Variants in LIPC observed in about 807,000 individuals in gnomAD.
LIPC encodes the protein lipase C, hepatic type, also known as hepatic triacylglycerol lipase.
LIPC carries 44 observed loss-of-function variants against 50.7 expected under a neutral mutation model. That is an observed-to-expected ratio of 0.87 (90% CI 0.68 to 1.11). LIPC has a LOEUF of 1.11. Among genes scored for constraint, LIPC ranks in the 50% most tolerant of loss-of-function variants. The pLI is 0.00. For synonymous variants in LIPC, 271 were observed against 256.4 expected, an observed-to-expected ratio of 1.06 and a Z score of -0.54; for missense variants, 697 against 648.2, an observed-to-expected ratio of 1.08 and a Z score of -0.82.
At chr15:58,566,040 G>A (rs1333698152) in intron 8 of LIPC, 8 of 983,672 alleles carry the variant, frequency 8.1e-6, no homozygotes, top group African/African-American at 3.5e-5. Flanking sequence ...AAACTTTCAC[G>A]AGCATACAAA....
chr15:58,511,310 G>C (rs897045526), intron 1 of LIPC, among the ~76,000 whole-genome samples: 2 of 152,120 alleles, frequency 1.3e-5, no homozygotes, highest in African/African-American at 4.8e-5. Flanking sequence ...CCTGGGGAGG[G>C]AGTGTGGTGA....
At chr15:58,442,625 A>C (rs1268802629) in intron 1 of LIPC, among the ~76,000 whole-genome samples, 1 of 152,230 alleles carries the variant, frequency 6.6e-6, no homozygotes, top group Non-Finnish European at 1.5e-5. Context: ...TTCTTTGCCT[A>C]TTTATGTCAA....
chr15:58,520,122 T>G (rs1010331323), intron 1 of LIPC, among the ~76,000 whole-genome samples: 1 of 112,850 alleles, frequency 8.9e-6, no homozygotes, highest in Non-Finnish European at 2.3e-5. Flanking sequence ...GTTTTTTTTT[T>G]GTTTTTTTTT....
At chr15:58,553,693 G>A (rs1893835287) in intron 6 of LIPC, among the ~76,000 whole-genome samples, 1 of 152,166 alleles carries the variant, frequency 6.6e-6, no homozygotes, top group Non-Finnish European at 1.5e-5. Context: ...CCAAAATGTG[G>A]CCACGAAAAT....
chr15:58,513,990 C>G (rs545454070), intron 1 of LIPC, among the ~76,000 whole-genome samples: 1 of 152,272 alleles, frequency 6.6e-6, no homozygotes, highest in African/African-American at 2.4e-5. Flanking sequence ...ATTTCCGTGA[C>G]GAGCTGGTGA....
chr15:58,538,051 A>C (rs1471811041), intron 1 of LIPC, among the ~76,000 whole-genome samples: 1 of 152,116 alleles, frequency 6.6e-6, no homozygotes, highest in African/African-American at 2.4e-5. Flanking sequence ...CCTTGCCTAT[A>C]TTCCTTATGA....
At chr15:58,554,178 A>G (rs1377142680) in intron 6 of LIPC, among the ~76,000 whole-genome samples, 5 of 152,146 alleles carry the variant, frequency 3.3e-5, no homozygotes, top group African/African-American at 9.7e-5. Flanking sequence ...TCTTTTTTAA[A>G]TGGCACCAGC....
chr15:58,546,124 G>C (rs1342026116), intron 5 of LIPC, 149 bp downstream of exon 5: 2 of 754,426 alleles, frequency 2.7e-6, no homozygotes, highest in East Asian at 2.7e-5. Context: ...CACCCAGAGA[G>C]AAGGAATGCT....
chr15:58,532,384 A>G (rs1397850876), intron 1 of LIPC, among the ~76,000 whole-genome samples: 1 of 152,210 alleles, frequency 6.6e-6, no homozygotes, highest in Non-Finnish European at 1.5e-5. Flanking sequence ...TACATTTATT[A>G]CATAGGATTG....
intron 1 of LIPC, chr15:58,523,379 T>G (rs1389264432): frequency 1.2e-5 from 1 of 82,436 alleles, no homozygotes; most frequent in Non-Finnish European, 3.2e-5. Context: ...CAAGGGCCAC[T>G]AGGACCCAAG....
intron 6 of LIPC, among the ~76,000 whole-genome samples, chr15:58,549,838 T>C (rs1566948143): frequency 6.6e-6 from 1 of 152,196 alleles, no homozygotes; most frequent in African/African-American, 2.4e-5. Context: ...CTGGAGGAGA[T>C]GGCAGCACGC....
At chr15:58,545,554 T>C (rs1005883368) in intron 4 of LIPC, among the ~76,000 whole-genome samples, 188 bp from the exon 5 acceptor site, 2 of 152,248 alleles carry the variant, frequency 1.3e-5, no homozygotes, top group African/African-American at 4.8e-5. Context: ...GTGTCATTGT[T>C]AGCACCATGA....
intron 1 of LIPC, among the ~76,000 whole-genome samples, chr15:58,502,063 C>A (rs1292336926): frequency 6.6e-6 from 1 of 152,142 alleles, no homozygotes; most frequent in South Asian, 2.1e-4. Context: ...TGAGGCTGGA[C>A]CTGAAGGTGA....
At chr15:58,490,008 A>G (rs1304994657) in intron 1 of LIPC, among the ~76,000 whole-genome samples, 5 of 152,146 alleles carry the variant, frequency 3.3e-5, no homozygotes, top group Non-Finnish European at 5.9e-5. Context: ...TGGGGAAAAG[A>G]AAAAAACAGT....
In LIPC at chr15:58,565,565, G is replaced by A. The variant is rs1301906119; in HGVS notation, c.1388+1842G>A. The A allele has an allele frequency of 7.7e-6, 9 of 1,176,420 alleles. No homozygotes were observed. In the East Asian group the frequency reaches 3.4e-4, roughly 44 times the overall value. 72.9% of individuals were successfully genotyped at this position (1,176,420 alleles called of 1,614,324 possible). ...TCCTGAAATGGGTAGTATTGGCTGT[G>A]CAGATTAGGAACCTGAGGCTCACAG... On this transcript the variant is annotated intron_variant, in intron 8 of 8. Coordinates refer to ENST00000299022, the MANE Select transcript of LIPC (RefSeq NM_000236.3).
chr15:58,436,353 A>G (rs923331725), intron 1 of LIPC: 4 of 200,302 alleles, frequency 2.0e-5, no homozygotes, highest in Non-Finnish European at 3.1e-5. Flanking sequence ...TAAGCTTCTC[A>G]TATGTGTTTA....
intron 1 of LIPC, among the ~76,000 whole-genome samples, chr15:58,495,671 A>C (rs1245236370): frequency 6.6e-6 from 1 of 152,230 alleles, no homozygotes; most frequent in Admixed American, 6.5e-5. Flanking sequence ...CACCCAGCCC[A>C]CATGAGGCAG....
intron 1 of LIPC, among the ~76,000 whole-genome samples, chr15:58,503,279 G>A (rs1254042841): frequency 1.3e-5 from 2 of 152,128 alleles, no homozygotes; most frequent in Non-Finnish European, 2.9e-5. Flanking sequence ...AGAACTTGGT[G>A]GGTTCCTTAA....
chr15:58,438,395 G>A lies in LIPC; in HGVS notation c.88+6275G>A, dbSNP rs111323584. On this transcript the variant is annotated intron_variant, in intron 1 of 8. Transcript: ENST00000299022. ...TCTCACAGCCAGGAAGGTACTGTGC[G>A]CTGGCCCCCAGGACAGTGACCAGTT... Among the ~76,000 whole-genome samples the A allele has an allele frequency of 6.9e-3, 1,053 of 152,310 alleles. 9 individuals are homozygous for A. The highest frequency in any genetic ancestry group is 0.012 in the Non-Finnish European group (838 of 68,034).
Sources: allele counts gnomAD v4.1 joint callset (sites outside exome capture counted in the v4.1 genomes callset), GRCh38; gene constraint gnomAD v4.1.1; transcripts MANE v1.5; gene names NCBI Gene and HGNC (gene_info 2026-07-23, HGNC 2026-07-21).